The following GOSR1 variants were observed in gnomAD, a reference collection of about 807,000 sequenced individuals.
GOSR1 encodes 28 kDa Golgi SNARE protein.
A neutral mutation model predicts 35.5 loss-of-function variants in GOSR1; 21 were observed. The ratio of observed to expected loss-of-function variants is 0.59; its 90% CI spans 0.42 to 0.85. GOSR1 has a LOEUF of 0.85. Among genes scored for constraint, GOSR1 ranks in the 40% least tolerant of loss-of-function variants. The pLI, the probability that GOSR1 is intolerant of heterozygous loss-of-function variation, is 0.00. For synonymous variants in GOSR1, 94 were observed against 106.6 expected (o/e 0.88, Z 0.73); for missense variants, 285 against 309.6 (o/e 0.92, Z 0.60).
chr17:30,477,910 GA>G lies in GOSR1; in HGVS notation c.31+448del, dbSNP rs149285047. 735 of 984,752 alleles carry G rather than the reference GA, an allele frequency of 7.5e-4. 13 individuals are homozygous for G. The Admixed American group carries it at 0.037, about 49-fold the overall frequency. The allele number at this position is 984,752 out of a possible 1,614,324, so 61.0% of individuals were successfully genotyped here. A position where few individuals can be genotyped will look rare whatever the true frequency, so the allele number is the denominator to read the frequency against. ...AAACTGAGTGGGAAAAGAGAAGGAG[GA>G]ACTTGCATTCCGGTCCGTCGGAGGA... is the stretch of plus-strand genomic sequence containing the variant. On this transcript the variant is annotated intron_variant, in intron 1 of 8. Transcript: ENST00000451249.
At chr17:30,496,537 G>C (rs1967011341) in intron 6 of GOSR1, among the ~76,000 whole-genome samples, 1 of 152,064 alleles carries the variant, frequency 6.6e-6, no homozygotes, top group Non-Finnish European at 1.5e-5. Flanking sequence ...ATGTGGCCTA[G>C]GAATCCTTTT....
In GOSR1 at chr17:30,481,177, A is replaced by G; in HGVS notation, c.66A>G (p.Glu22=). Residue 22 remains glutamate, a synonymous_variant, in exon 2 of 9, where the codon GAA becomes GAG. Transcript: ENST00000451249. ...LRKQARQLEN[E]LDLKLVSFSK... ...AACAGGCTCGACAGCTGGAAAATGA[A>G]CTTGACCTGAAACTAGTTTCCTTCA... 6.2e-7 allele frequency: 1 copy of G among 1,600,244 alleles called. No individual in the cohort carries two copies. Among genetic ancestry groups the G allele is most frequent in the Non-Finnish European group, 8.6e-7 (1 of 1,167,254 alleles).
At chr17:30,511,883 G>T (rs1422747611) in intron 7 of GOSR1, among the ~76,000 whole-genome samples, 3 of 152,104 alleles carry the variant, frequency 2.0e-5, no homozygotes, top group African/African-American at 7.2e-5. Context: ...TACTTTGCAT[G>T]CATTATTTTA....
At chr17:30,503,019 C>T (rs1967271863) in intron 6 of GOSR1, among the ~76,000 whole-genome samples, 1 of 152,198 alleles carries the variant, frequency 6.6e-6, no homozygotes, top group African/African-American at 2.4e-5. Flanking sequence ...ATTATTGCAG[C>T]ATGCAAAGGG....
At chr17:30,487,547 A>C (rs1025993412) in intron 4 of GOSR1, among the ~76,000 whole-genome samples, 28 of 152,258 alleles carry the variant, frequency 1.8e-4, no homozygotes, top group Non-Finnish European at 3.8e-4. Flanking sequence ...AAACATTTTC[A>C]GCAGTATTTC....
At position 30,481,053 on chromosome 17, in the gene GOSR1, AT is replaced by A. The variant is rs1214654316; in HGVS notation, c.32-86del. 3 of 856,180 alleles carry A rather than the reference AT, an allele frequency of 3.5e-6. No homozygotes were observed. In the African/African-American group the frequency reaches 5.0e-5, roughly 14 times the overall value. 53.0% of individuals were successfully genotyped at this position (856,180 alleles called of 1,614,324 possible). On this transcript the variant is annotated intron_variant, in intron 1 of 8. Transcript: ENST00000451249. The stretch of plus-strand genomic sequence containing the variant: ...GGGGTAACAAGATCAGTATATGATC[AT>A]TTTCATAGTTTGTTTTCTTTAGAAT...
intron 6 of GOSR1, 81 bp from the exon 7 acceptor site, chr17:30,510,799 T>C (rs1967585597): frequency 2.6e-6 from 2 of 771,076 alleles, no homozygotes; most frequent in Non-Finnish European, 4.5e-6. Flanking sequence ...ACTAAAAAGT[T>C]TATAGATGTA....
rs147478551 is a variant in GOSR1 at position 30,490,272 on chromosome 17, A to G, written c.434+55A>G. ...ATATTTATTCAGATTTGGCTTTAGG[A>G]TATGTTCACGGTTAATTGCAAATTG... On this transcript the variant is annotated intron_variant, in intron 5 of 8. Coordinates refer to ENST00000451249, the MANE Select transcript of GOSR1 (RefSeq NM_001007025.2). 5.5e-6 allele frequency: 5 copies of G among 910,684 alleles called. No homozygotes were observed. The African/African-American group carries it at 8.3e-5, about 15-fold the overall frequency. The allele number at this position is 910,684 out of a possible 1,614,324, so 56.4% of individuals were successfully genotyped here.
intron 4 of GOSR1, among the ~76,000 whole-genome samples, chr17:30,488,523 T>A (rs1282416422): frequency 3.3e-5 from 5 of 151,480 alleles, no homozygotes; most frequent in African/African-American, 1.2e-4. Flanking sequence ...TAAGAATGTT[T>A]ATTGGCAGTA....
intron 6 of GOSR1, among the ~76,000 whole-genome samples, chr17:30,501,864 C>G (rs1967223263): frequency 6.6e-6 from 1 of 152,166 alleles, no homozygotes; most frequent in Admixed American, 6.5e-5. Context: ...AGTGATTTAC[C>G]TAAATGAGTT....
At position 30,514,014 on chromosome 17, in the gene GOSR1, A is replaced by G. The variant is rs557230855; in HGVS notation, c.539+3105A>G. On this transcript the variant is annotated intron_variant, in intron 7 of 8. Coordinates refer to ENST00000451249, the MANE Select transcript of GOSR1 (RefSeq NM_001007025.2). ...AGGTTTGAAAGCTGTTACTTTATAC[A>G]AGACCATAGTATCTACTTGCAATAC... Among the ~76,000 whole-genome samples the G allele has an allele frequency of 3.3e-5, 5 of 152,376 alleles. No individual in the cohort carries two copies. The East Asian group carries it at 9.6e-4, about 29-fold the overall frequency.
chr17:30,521,135 C>G (rs1968013276), intron 8 of GOSR1, among the ~76,000 whole-genome samples: 2 of 140,244 alleles, frequency 1.4e-5, no homozygotes, highest in Admixed American at 7.3e-5. Flanking sequence ...CTCTACTGCT[C>G]TGTAAGCATC....
intron 6 of GOSR1, among the ~76,000 whole-genome samples, chr17:30,498,780 G>A (rs919148093): frequency 1.3e-5 from 2 of 152,114 alleles, no homozygotes; most frequent in South Asian, 4.2e-4. Flanking sequence ...GCAAAAGAAA[G>A]TGAGCAGTGG....
Position 30,527,494 on chromosome 17 carries a change from G to T in GOSR1, c.*5116G>T, listed in dbSNP as rs918537230. ...CTTCTATAAAATGGTGATAAGGATG[G>T]CTACCATAATTGTGCCCTGATTATA... On this transcript the variant is annotated 3_prime_UTR_variant, in exon 9 of 9. Coordinates refer to ENST00000451249, the MANE Select transcript of GOSR1 (RefSeq NM_001007025.2). The T allele has an allele frequency of 6.6e-6, 1 of 152,112 alleles. No individual in the cohort carries two copies. The highest frequency in any genetic ancestry group is 1.5e-5 in the Non-Finnish European group (1 of 68,034). The allele number at this position is 152,112 out of a possible 1,614,324, so 9.4% of individuals were successfully genotyped here.
At position 30,522,444 on chromosome 17, in the gene GOSR1, C is replaced by G. The variant is rs1968072911; in HGVS notation, c.*66C>G. 3 of 1,343,742 alleles carry G rather than the reference C, an allele frequency of 2.2e-6. No homozygotes were observed. Among genetic ancestry groups the G allele is most frequent in the Non-Finnish European group, 3.0e-6 (3 of 994,666 alleles). 83.2% of individuals were successfully genotyped at this position (1,343,742 alleles called of 1,614,324 possible). A position where few individuals can be genotyped will look rare whatever the true frequency, so the allele number is the denominator to read the frequency against. On this transcript the variant is annotated 3_prime_UTR_variant, in exon 9 of 9. Transcript: ENST00000451249. ...ACCCTGGTCTGGAATAAGGAAACATCGGAGGGAGAAGTTGACTGTCTTGAT... is the reference window on the plus strand; with the variant it reads ...ACCCTGGTCTGGAATAAGGAAACATGGGAGGGAGAAGTTGACTGTCTTGAT...
Position 30,481,128 on chromosome 17 carries a change from A to G in GOSR1, c.32-15A>G. ...TTTTTATGTCTAATTATTTGTTGTT[A>G]TAATTTTGTTAAAGATCTCAGGAAA... On this transcript the variant is annotated splice_polypyrimidine_tract_variant and intron_variant, in intron 1 of 8. Transcript: ENST00000451249. 1 of 1,549,864 alleles carries G rather than the reference A, an allele frequency of 6.5e-7. No individual in the cohort carries two copies. Among genetic ancestry groups the G allele is most frequent in the Non-Finnish European group, 8.9e-7 (1 of 1,121,790 alleles).
Position 30,522,379 on chromosome 17 carries a change from T to TG in GOSR1, c.*4dup. The TG allele has an allele frequency of 6.4e-7, 1 of 1,568,942 alleles. No homozygotes were observed. The highest frequency in any genetic ancestry group is 8.6e-7 in the Non-Finnish European group (1 of 1,156,664). ...GTTGCTGCTGTATGCGTTCCATTGA[T>TG]GGGACATCTTCAGGGACTCTTGACA... On this transcript the variant is annotated 3_prime_UTR_variant, in exon 9 of 9. Transcript: ENST00000451249.
At position 30,493,087 on chromosome 17, in the gene GOSR1, C is replaced by T. The variant is rs551116178; in HGVS notation, c.509+334C>T. Among the ~76,000 whole-genome samples the T allele has an allele frequency of 6.7e-4, 102 of 152,060 alleles. 1 individual carries two copies. The South Asian group carries it at 8.9e-3, about 13-fold the overall frequency. ...CAGCTCACTGCAGCCGCTTGCCTCC[C>T]GGGTTCAAGCGATTCTCCTGCCTCA... On this transcript the variant is annotated intron_variant, in intron 6 of 8. Coordinates refer to ENST00000451249, the MANE Select transcript of GOSR1 (RefSeq NM_001007025.2).
At chr17:30,477,872 G>C (rs1914047872) in intron 1 of GOSR1, 16 of 984,678 alleles carry the variant, frequency 1.6e-5, no homozygotes, top group Non-Finnish European at 1.8e-5. Flanking sequence ...TTGGAGCTGA[G>C]GTCACTATTG....
Sources: gnomAD v4.1 joint callset for allele counts (sites outside exome capture counted in the v4.1 genomes callset) on GRCh38, gnomAD v4.1.1 for gene constraint, MANE v1.5 for transcripts, NCBI Gene and HGNC (gene_info 2026-07-23, HGNC 2026-07-21) for gene names.